The following FNIP2 variants were observed in gnomAD, a reference collection of about 807,000 sequenced individuals.
FNIP2 encodes the protein folliculin interacting protein 2.
In FNIP2, 32 loss-of-function variants were observed where a neutral mutation model predicts 108.7. The observed-to-expected ratio is 0.29, with a 90% CI of 0.22 to 0.40. The LOEUF (loss-of-function observed/expected upper bound fraction) is 0.40, where lower values mean the gene tolerates loss of function less well. Ranked by LOEUF, FNIP2 falls within the 10% of genes least tolerant of loss-of-function variation. The pLI, the probability that FNIP2 is intolerant of heterozygous loss-of-function variation, is 1.00. For missense variants in FNIP2, 1,202 were observed against 1,381.6 expected (o/e 0.87, Z 2.06); for synonymous variants, 480 against 496.7 (o/e 0.97, Z 0.45).
chr4:158,878,606 CT>C (rs1781409486), intron 14 of FNIP2, among the ~76,000 whole-genome samples: 1 of 152,128 alleles, frequency 6.6e-6, no homozygotes, highest in Non-Finnish European at 1.5e-5. Context: ...CAACCACAAG[CT>C]TATGAGACGC....
intron 2 of FNIP2, 74 bp downstream of exon 2, chr4:158,826,116 C>A: frequency 6.6e-7 from 1 of 1,519,998 alleles, no homozygotes; most frequent in South Asian, 1.2e-5. Flanking sequence ...ATTTATTAAT[C>A]TATCATCTTC....
chr4:158,880,321 T>C (rs1477469006), intron 14 of FNIP2, among the ~76,000 whole-genome samples: 1 of 152,158 alleles, frequency 6.6e-6, no homozygotes, highest in African/African-American at 2.4e-5. Context: ...GAAACCATCA[T>C]TCTCAGCAAA....
At position 158,861,763 on chromosome 4, in the gene FNIP2, T is replaced by C; in HGVS notation, c.1452T>C (p.Leu484=). 2 of 1,614,004 alleles carry C rather than the reference T, an allele frequency of 1.2e-6. No homozygotes were observed. The change falls in exon 12 of 17, where the codon CTT becomes CTC. Residue 484 remains leucine (L), a synonymous_variant. Coordinates refer to ENST00000264433, the MANE Select transcript of FNIP2 (RefSeq NM_020840.3). The part of the protein sequence containing the change: ...MLAKTHPYNP[L]WAQLGDLYGA... Reference sequence around the variant, plus strand: ...CCAAAACACATCCGTATAATCCTCTTTGGGCACAGCTGGGTTAGTACCTAA... The same window carrying C: ...CCAAAACACATCCGTATAATCCTCTCTGGGCACAGCTGGGTTAGTACCTAA...
intron 7 of FNIP2, among the ~76,000 whole-genome samples, chr4:158,838,229 C>CTTTTTTT (rs550985480): frequency 6.0e-5 from 7 of 117,618 alleles, no homozygotes; most frequent in Admixed American, 1.9e-4. Context: ...TTTAGGCCTG[C>CTTTTTTT]TTTTTTTTTT....
chr4:158,771,227 G>A (rs983507102), intron 1 of FNIP2, among the ~76,000 whole-genome samples: 1 of 152,162 alleles, frequency 6.6e-6, no homozygotes, highest in Non-Finnish European at 1.5e-5. Flanking sequence ...CTTCAATAGT[G>A]TCCCTGATAG....
At chr4:158,859,543 T>G (rs1780167719) in intron 9 of FNIP2, 35 bp from the exon 10 acceptor site, 1 of 1,544,004 alleles carries the variant, frequency 6.5e-7, no homozygotes, top group African/African-American at 1.4e-5. Flanking sequence ...TAAAATTTCT[T>G]CTCAGTAATT....
rs775968868 is a variant in FNIP2 at position 158,825,977 on chromosome 4, A to G, written c.169A>G (p.Arg57Gly). ...IRLIVYQDCD[R>G]RGRQVLFDSK... is the part of the protein sequence containing the mutation. The stretch of plus-strand genomic sequence containing the variant: ...CCTGATAGTTTACCAGGACTGTGAC[A>G]GGAGAGGCAGACAAGTCTTGTTTGA... Residue 57 changes from arginine to glycine, a missense_variant, in exon 2 of 17, where the codon AGG becomes GGG. Around this residue, in one of 5 missense-constraint regions of FNIP2, gnomAD observed 173 missense variants for 165.9 expected, o/e 1.04. Transcript: ENST00000264433. The G allele has an allele frequency of 6.2e-7, 1 of 1,609,372 alleles. No individual in the cohort carries two copies. The highest frequency in any genetic ancestry group is 8.5e-7 in the Non-Finnish European group (1 of 1,176,040).
intron 8 of FNIP2, among the ~76,000 whole-genome samples, chr4:158,852,549 C>T (rs1029011216): frequency 4.0e-4 from 61 of 152,292 alleles, no homozygotes; most frequent in African/African-American, 1.3e-3. Context: ...AGTGTTGCAT[C>T]GTCATCTGCA....
chr4:158,844,343 T>C (rs1779287228), intron 7 of FNIP2, among the ~76,000 whole-genome samples: 1 of 152,218 alleles, frequency 6.6e-6, no homozygotes, highest in Non-Finnish European at 1.5e-5. Flanking sequence ...TTGGTAAATA[T>C]TGATATTATC....
intron 14 of FNIP2, among the ~76,000 whole-genome samples, chr4:158,877,746 C>T (rs1342070255): frequency 6.6e-6 from 1 of 152,138 alleles, no homozygotes; most frequent in African/African-American, 2.4e-5. Flanking sequence ...CTTTTATGTG[C>T]TTGGTACTGT....
At chr4:158,788,947 G>A (rs980574855) in intron 1 of FNIP2, among the ~76,000 whole-genome samples, 1 of 152,188 alleles carries the variant, frequency 6.6e-6, no homozygotes, top group Non-Finnish European at 1.5e-5. Context: ...AATGTAAAAG[G>A]AAAAGCTTAT....
At chr4:158,827,372 A>G (rs1778214927) in intron 2 of FNIP2, among the ~76,000 whole-genome samples, 1 of 152,206 alleles carries the variant, frequency 6.6e-6, no homozygotes, top group Admixed American at 6.5e-5. Flanking sequence ...GAAAAGAAAC[A>G]CAAGTTTTCA....
intron 1 of FNIP2, among the ~76,000 whole-genome samples, chr4:158,805,312 G>A (rs927726184): frequency 6.6e-6 from 1 of 152,136 alleles, no homozygotes; most frequent in Non-Finnish European, 1.5e-5. Context: ...GTATTCCAGG[G>A]ATCTTGATTT....
chr4:158,859,353 A>G (rs1780158818), intron 9 of FNIP2, 95 bp downstream of exon 9: 4 of 1,344,544 alleles, frequency 3.0e-6, no homozygotes, highest in East Asian at 5.0e-5. Flanking sequence ...TGTCTTTCCT[A>G]AGGAAGTTAA....
chr4:158,833,724 TG>T, intron 6 of FNIP2, 96 bp downstream of exon 6: 1 of 1,441,848 alleles, frequency 6.9e-7, no homozygotes, highest in South Asian at 1.2e-5. Flanking sequence ...TTTTTTTTTT[TG>T]CGTTATCTTT....
intron 2 of FNIP2, 108 bp downstream of exon 2, chr4:158,826,150 C>A: frequency 7.2e-7 from 1 of 1,388,786 alleles, no homozygotes; most frequent in African/African-American, 1.5e-5. Context: ...TTATACAGTG[C>A]CATTAATGGT....
chr4:158,863,704 G>T (rs542725921), intron 12 of FNIP2, among the ~76,000 whole-genome samples: 3 of 152,200 alleles, frequency 2.0e-5, no homozygotes, highest in Admixed American at 2.0e-4. Flanking sequence ...TTTGTAAAAT[G>T]TCTGTTCCAA....
intron 16 of FNIP2, among the ~76,000 whole-genome samples, chr4:158,897,434 T>C (rs1203247143): frequency 1.3e-5 from 2 of 152,226 alleles, no homozygotes; most frequent in African/African-American, 4.8e-5. Context: ...TCCACAGTGA[T>C]TGAACTAATT....
Position 158,859,156 on chromosome 4 carries a change from A to G in FNIP2, c.957A>G (p.Leu319=), listed in dbSNP as rs776345131. The part of the protein sequence containing the change: ...KKIAISIIFS[L]CEKEEAQRNF... ...TTGCCATAAGCATCATCTTTTCCCT[A>G]TGTGAGAAAGAAGAAGCACAAAGGA... Residue 319 remains leucine (L), a synonymous_variant, in exon 9 of 17, where the codon CTA becomes CTG. Coordinates refer to ENST00000264433, the MANE Select transcript of FNIP2 (RefSeq NM_020840.3). 9 of 1,613,902 alleles carry G rather than the reference A, an allele frequency of 5.6e-6. No individual in the cohort carries two copies. The East Asian group carries it at 8.9e-5, about 16-fold the overall frequency.
Sources: gnomAD v4.1 joint callset for allele counts (sites outside exome capture counted in the v4.1 genomes callset) on GRCh38, gnomAD v4.1.1 for gene constraint, gnomAD v4.1.1 regional missense constraint, MANE v1.5 for transcripts, NCBI Gene and HGNC (gene_info 2026-07-23, HGNC 2026-07-21) for gene names.